EYS: variants seen among roughly 807,000 people sequenced by gnomAD.
The protein encoded by EYS is protein eyes shut homolog.
EYS carries 250 observed loss-of-function variants against 282.1 expected under a neutral mutation model. The ratio of observed to expected loss-of-function variants is 0.89; its 90% CI spans 0.80 to 0.98. The LOEUF (loss-of-function observed/expected upper bound fraction) is 0.98. Among genes scored for constraint, EYS ranks in the 50% least tolerant of loss-of-function variants. EYS has a pLI of 0.00. For synonymous variants in EYS, 1,355 were observed against 1,282.9 expected (o/e 1.06, Z -1.20); for missense variants, 4,016 against 3,709.0 (o/e 1.08, Z -2.15).
chr6:63,958,727 C>G (rs1293252569), intron 35 of EYS, among the ~76,000 whole-genome samples: 1 of 152,194 alleles, frequency 6.6e-6, no homozygotes, highest in African/African-American at 2.4e-5. Flanking sequence ...CAGCTAATGA[C>G]TTTAAGTTGA....
intron 2 of EYS, among the ~76,000 whole-genome samples, chr6:65,628,747 C>A (rs1017313342): frequency 2.0e-5 from 3 of 152,092 alleles, no homozygotes; most frequent in Admixed American, 6.5e-5. Context: ...CCGAACACAT[C>A]TGAACATCAG....
At chr6:64,375,140 T>C (rs1314589588) in intron 29 of EYS, among the ~76,000 whole-genome samples, 1 of 152,228 alleles carries the variant, frequency 6.6e-6, no homozygotes, top group African/African-American at 2.4e-5. Context: ...GATGTCCTTA[T>C]GAAAATACAA....
At chr6:64,638,053 G>C (rs1483215616) in intron 22 of EYS, among the ~76,000 whole-genome samples, 1 of 90,930 alleles carries the variant, frequency 1.1e-5, no homozygotes, top group African/African-American at 4.2e-5. Context: ...CTGAACTTAA[G>C]GATACACTGA....
intron 33 of EYS, among the ~76,000 whole-genome samples, chr6:64,048,100 T>A (rs1025990779): frequency 8.5e-5 from 13 of 152,068 alleles, no homozygotes; most frequent in African/African-American, 2.9e-4. Context: ...GAAACGGGAT[T>A]TTGCCATGTT....
At chr6:63,888,183 C>G (rs1773314422) in intron 35 of EYS, among the ~76,000 whole-genome samples, 1 of 152,212 alleles carries the variant, frequency 6.6e-6, no homozygotes. Context: ...GGACAGAGCA[C>G]TGGGGGAAGG....
At chr6:65,153,513 G>A (rs992843982) in intron 12 of EYS, among the ~76,000 whole-genome samples, 26 of 148,314 alleles carry the variant, frequency 1.8e-4, no homozygotes, top group African/African-American at 6.4e-4. Context: ...TATTTTAGCT[G>A]GGTACTTATT....
At chr6:63,999,838 G>T (rs1767997128) in intron 33 of EYS, among the ~76,000 whole-genome samples, 2 of 152,078 alleles carry the variant, frequency 1.3e-5, no homozygotes, top group South Asian at 4.1e-4. Flanking sequence ...CATATGAAAA[G>T]GTACATATAC....
intron 35 of EYS, among the ~76,000 whole-genome samples, chr6:63,882,406 C>G (rs903291863): frequency 5.3e-5 from 8 of 152,184 alleles, no homozygotes; most frequent in African/African-American, 1.4e-4. Context: ...GTTCCATAAG[C>G]CTCCATGAGG....
At chr6:64,897,178 G>A (rs866957733) in intron 18 of EYS, among the ~76,000 whole-genome samples, 13 of 152,254 alleles carry the variant, frequency 8.5e-5, no homozygotes, top group Middle Eastern at 3.4e-3. Context: ...CCCAGCAGCG[G>A]TCGACAGACA....
intron 14 of EYS, among the ~76,000 whole-genome samples, chr6:64,990,785 A>G (rs893901967): frequency 2.6e-5 from 4 of 151,584 alleles, no homozygotes; most frequent in Non-Finnish European, 5.9e-5. Context: ...AGAAGAGAAA[A>G]TATGTTTTAG....
At chr6:64,617,198 A>G (rs1169830136) in intron 24 of EYS, among the ~76,000 whole-genome samples, 2 of 152,078 alleles carry the variant, frequency 1.3e-5, no homozygotes, top group South Asian at 2.1e-4. Flanking sequence ...TCAGTTTATC[A>G]GAATGTTTTT....
chr6:63,989,867 A>G (rs1404276886), intron 34 of EYS, among the ~76,000 whole-genome samples: 19 of 151,502 alleles, frequency 1.3e-4, no homozygotes. Flanking sequence ...ATTGCATAGG[A>G]CAGTAGCTCA....
At chr6:64,696,953 C>T (rs1245290567) in intron 22 of EYS, among the ~76,000 whole-genome samples, 5 of 151,962 alleles carry the variant, frequency 3.3e-5, no homozygotes, top group Non-Finnish European at 7.4e-5. Flanking sequence ...TAAATGGCAA[C>T]ATGAGAAAAT....
At chr6:64,701,388 C>T (rs1199431857) in intron 22 of EYS, among the ~76,000 whole-genome samples, 1 of 152,030 alleles carries the variant, frequency 6.6e-6, no homozygotes, top group East Asian at 1.9e-4. Context: ...ACAGGGTCAA[C>T]AGACAACTTG....
At chr6:64,988,265 T>C (rs970729798) in intron 14 of EYS, among the ~76,000 whole-genome samples, 7 of 151,548 alleles carry the variant, frequency 4.6e-5, no homozygotes, top group African/African-American at 1.7e-4. Flanking sequence ...GGTGTTTTGC[T>C]TTGTGTCTAT....
intron 2 of EYS, among the ~76,000 whole-genome samples, chr6:65,620,883 G>A (rs11758424): frequency 0.36 from 54,407 of 152,036 alleles, 12,137 homozygotes; most frequent in Non-Finnish European, 0.49. Context: ...TTCTTAATCC[G>A]GAGTTCTAGT....
At chr6:64,859,321 TATAAATCCCA>T (rs1766163414) in intron 19 of EYS, among the ~76,000 whole-genome samples, 1 of 150,478 alleles carries the variant, frequency 6.6e-6, no homozygotes, top group Admixed American at 6.6e-5. Context: ...GGATAGTTAC[TATAAATCCCA>T]TTTACAGTAG....
Position 64,235,690 on chromosome 6 carries a change from G to C in EYS, c.6192-4866C>G, listed in dbSNP as rs1766580609. On this transcript the variant is annotated intron_variant, in intron 30 of 42. Transcript: ENST00000503581. ...ACTGACTTCCACAATGGTTGAACTAGTTTACAGTCCCACCAACAGTGTAAA... is the reference window on the plus strand; with the variant it reads ...ACTGACTTCCACAATGGTTGAACTACTTTACAGTCCCACCAACAGTGTAAA... Among the ~76,000 whole-genome samples the C allele has an allele frequency of 2.0e-5, 3 of 152,124 alleles. No homozygotes were observed. In the South Asian group the frequency reaches 6.2e-4, roughly 31 times the overall value.
intron 35 of EYS, among the ~76,000 whole-genome samples, chr6:63,956,675 A>C (rs1195673524): frequency 1.3e-5 from 2 of 152,222 alleles, no homozygotes; most frequent in Non-Finnish European, 2.9e-5. Context: ...ACATTATGAA[A>C]TTATTTAATC....
Sources: allele counts gnomAD v4.1 joint callset (sites outside exome capture counted in the v4.1 genomes callset), GRCh38; gene constraint gnomAD v4.1.1; transcripts MANE v1.5; gene names NCBI Gene and HGNC (gene_info 2026-07-23, HGNC 2026-07-21).